Variants in PM20D2 observed in about 807,000 individuals in gnomAD.
The protein encoded by PM20D2 is xaa-Arg dipeptidase.
Under a neutral mutation model 42.9 loss-of-function variants are expected in PM20D2, and 33 were observed. The ratio of observed to expected loss-of-function variants is 0.77; its 90% CI spans 0.58 to 1.03. The LOEUF is 1.03. Ranked by LOEUF, PM20D2 falls within the 50% of genes least tolerant of loss-of-function variation. The pLI, the probability that PM20D2 is intolerant of heterozygous loss-of-function variation, is 0.00. For synonymous variants in PM20D2, 250 were observed against 228.2 expected, an observed-to-expected ratio of 1.10 and a Z score of -0.86; for missense variants, 548 against 557.0, an observed-to-expected ratio of 0.98 and a Z score of 0.16.
chr6:89,115,604 C>T, the PM20D2 span, among the ~76,000 whole-genome samples: 11 of 146,546 alleles, frequency 7.5e-5, no homozygotes, highest in African/African-American at 2.5e-4. Context: ...GCTTTCAAAT[C>T]TACAAATGGG....
At chr6:89,136,473 C>G in the PM20D2 span, among the ~76,000 whole-genome samples, 8 of 150,640 alleles carry the variant, frequency 5.3e-5, no homozygotes, top group Non-Finnish European at 8.8e-5. Flanking sequence ...GTCAGGAGAT[C>G]GAGACCATCC....
intron 2 of PM20D2, among the ~76,000 whole-genome samples, chr6:89,151,153 C>A (rs1267356169): frequency 7.7e-4 from 99 of 128,156 alleles, no homozygotes; most frequent in South Asian, 9.9e-4. Flanking sequence ...AACTCCATCT[C>A]AAAAAAAAAG....
chr6:89,095,423 G>T, the PM20D2 span, among the ~76,000 whole-genome samples: 10 of 152,096 alleles, frequency 6.6e-5, no homozygotes, highest in Non-Finnish European at 1.3e-4. Context: ...TCACCATGTT[G>T]ATCTGCCAAC....
At chr6:89,147,950 A>G (rs1770658190) in intron 1 of PM20D2, among the ~76,000 whole-genome samples, 1 of 151,136 alleles carries the variant, frequency 6.6e-6, no homozygotes. Flanking sequence ...AACCGCCAAA[A>G]AAAAGCTAAA....
chr6:89,139,243 AT>A, the PM20D2 span, among the ~76,000 whole-genome samples: 111,362 of 151,914 alleles, frequency 0.73, 40,927 homozygotes, highest in East Asian at 0.8. Flanking sequence ...TAGTTTTTAA[AT>A]TTTTTTTGTG....
the PM20D2 span, chr6:89,096,986 T>A: frequency 6.6e-6 from 1 of 152,176 alleles, no homozygotes; most frequent in East Asian, 1.9e-4. Flanking sequence ...TGAAATAAAT[T>A]TTGCTATGAT....
intron 3 of PM20D2, 84 bp downstream of exon 3, chr6:89,153,269 A>G: frequency 8.8e-7 from 1 of 1,130,936 alleles, no homozygotes; most frequent in Non-Finnish European, 1.1e-6. Flanking sequence ...AATTTTTAAA[A>G]ATTTGGAAAT....
At position 89,146,537 on chromosome 6, in the gene PM20D2, GGTC is replaced by G. The variant is rs1354044295; in HGVS notation, c.395_397del (p.Val132del). 1 of 1,502,554 alleles carries G rather than the reference GGTC, an allele frequency of 6.7e-7. No individual in the cohort carries two copies. Among genetic ancestry groups the G allele is most frequent in the African/African-American group, 1.5e-5 (1 of 68,858 alleles). The allele number at this position is 1,502,554 out of a possible 1,614,324, so 93.1% of individuals were successfully genotyped here. A position where few individuals can be genotyped will look rare whatever the true frequency, so the allele number is the denominator to read the frequency against. ...CCTGCGGCCACAACCTCATCGCTGA[GGTC>G]GGGGCGGCGGCCGCGCTGGGCGTGA... On this transcript the variant is annotated inframe_deletion, in exon 1 of 7. Coordinates refer to ENST00000275072, the MANE Select transcript of PM20D2 (RefSeq NM_001010853.3).
chr6:89,139,786 G>C, the PM20D2 span, among the ~76,000 whole-genome samples: 1 of 152,210 alleles, frequency 6.6e-6, no homozygotes, highest in East Asian at 1.9e-4. Flanking sequence ...AAGGAGAGAT[G>C]AGTCAGTTGC....
chr6:89,108,569 T>C, the PM20D2 span, among the ~76,000 whole-genome samples: 1 of 152,168 alleles, frequency 6.6e-6, no homozygotes. Context: ...GATCATAAAA[T>C]GTGGCTCGGG....
intron 4 of PM20D2, among the ~76,000 whole-genome samples, chr6:89,157,628 T>C (rs1348087047): frequency 2.6e-5 from 4 of 152,228 alleles, no homozygotes; most frequent in African/African-American, 9.6e-5. Context: ...TTTCTTTTTT[T>C]TGGAGACTGA....
intron 2 of PM20D2, among the ~76,000 whole-genome samples, chr6:89,151,231 A>T (rs1770826619): frequency 7.0e-6 from 1 of 142,156 alleles, no homozygotes; most frequent in South Asian, 2.2e-4. Context: ...TTTCTTAAAA[A>T]TTCTTTTTTT....
chr6:89,118,060 C>A, the PM20D2 span: 1 of 329,672 alleles, frequency 3.0e-6, no homozygotes, highest in South Asian at 9.4e-5. Context: ...GGGCGCAGCG[C>A]GGCGCCAGCC....
chr6:89,162,255 G>A lies in PM20D2; in HGVS notation c.1303G>A (p.Val435Ile). The A allele has an allele frequency of 6.2e-7, 1 of 1,612,332 alleles. No homozygotes were observed. Among genetic ancestry groups the A allele is most frequent in the East Asian group, 2.2e-5 (1 of 44,884 alleles). Residue 435 changes from valine to isoleucine, a missense_variant, in exon 7 of 7, where the codon GTA becomes ATA. Physicochemically the swap from Val to Ile is conservative, Grantham distance 29. Transcript: ENST00000275072. ...KLQEEQFVNA[V>I]E ...TCAAGAAGAACAGTTTGTAAATGCAGTAGAATAAAAGACTTAGGGGCCACT... is the reference window on the plus strand; with the variant it reads ...TCAAGAAGAACAGTTTGTAAATGCAATAGAATAAAAGACTTAGGGGCCACT...
At chr6:89,148,738 A>G (rs1314263177) in intron 1 of PM20D2, among the ~76,000 whole-genome samples, 1 of 152,210 alleles carries the variant, frequency 6.6e-6, no homozygotes, top group African/African-American at 2.4e-5. Flanking sequence ...CTGCCTGAAG[A>G]CTTGCTCTGT....
At chr6:89,105,734 T>C in the PM20D2 span, 2 of 336,818 alleles carry the variant, frequency 5.9e-6, no homozygotes, top group African/African-American at 4.3e-5. Context: ...GAAGAGTGAG[T>C]CTAAAAATAA....
the PM20D2 span, chr6:89,096,027 T>G: frequency 1.3e-5 from 2 of 152,184 alleles, no homozygotes; most frequent in Admixed American, 1.3e-4. Context: ...AACAATTCTA[T>G]GACAAAAGTG....
chr6:89,138,903 C>A, the PM20D2 span, among the ~76,000 whole-genome samples: 1 of 150,242 alleles, frequency 6.7e-6, no homozygotes, highest in African/African-American at 2.5e-5. Context: ...AAATAAATAT[C>A]TCTATCATAG....
chr6:89,094,353 T>C, the PM20D2 span, among the ~76,000 whole-genome samples: 1 of 151,984 alleles, frequency 6.6e-6, no homozygotes, highest in Admixed American at 6.6e-5. Flanking sequence ...CCTGAGTAGC[T>C]GGGATTACAG....
Sources: gnomAD v4.1 joint callset for allele counts (sites outside exome capture counted in the v4.1 genomes callset) on GRCh38, gnomAD v4.1.1 for gene constraint, MANE v1.5 for transcripts, NCBI Gene and HGNC (gene_info 2026-07-23, HGNC 2026-07-21) for gene names.